The following SRC variants were observed in gnomAD, a reference collection of about 807,000 sequenced individuals.
SRC encodes SRC proto-oncogene, non-receptor tyrosine kinase.
Under a neutral mutation model 62.9 loss-of-function variants are expected in SRC, and 13 were observed. The observed-to-expected ratio is 0.21, with a 90% CI of 0.13 to 0.33. SRC has a LOEUF of 0.33. Ranked by LOEUF, SRC falls within the 10% of genes least tolerant of loss-of-function variation. SRC has a pLI of 1.00. For missense variants in SRC, 457 were observed against 737.3 expected, an observed-to-expected ratio of 0.62 and a Z score of 4.40; for synonymous variants, 302 against 317.5, an observed-to-expected ratio of 0.95 and a Z score of 0.52.
intron 2 of SRC, among the ~76,000 whole-genome samples, chr20:37,373,296 T>C (rs1306032323): frequency 1.3e-5 from 2 of 151,460 alleles, no homozygotes; most frequent in East Asian, 3.9e-4. Flanking sequence ...ATTACATATG[T>C]ACACATGCAC....
chr20:37,394,043 G>T, intron 6 of SRC, 50 bp downstream of exon 6: 1 of 1,581,852 alleles, frequency 6.3e-7, no homozygotes, highest in South Asian at 1.1e-5. Context: ...GACACTGCCG[G>T]TGCAGAGTGC....
intron 2 of SRC, among the ~76,000 whole-genome samples, chr20:37,378,115 T>C (rs1372512486): frequency 6.6e-6 from 1 of 150,946 alleles, no homozygotes; most frequent in Non-Finnish European, 1.5e-5. Context: ...ACTGTGTTGC[T>C]CAGGCAGAGT....
At chr20:37,361,897 A>G (rs1010073898) in intron 1 of SRC, among the ~76,000 whole-genome samples, 15 of 143,188 alleles carry the variant, frequency 1.0e-4, no homozygotes, top group African/African-American at 3.6e-4. Flanking sequence ...CTCTGTGTGC[A>G]GGTAGAGATG....
intron 2 of SRC, among the ~76,000 whole-genome samples, chr20:37,368,456 C>G (rs1179082336): frequency 6.9e-6 from 1 of 144,722 alleles, no homozygotes; most frequent in Non-Finnish European, 1.5e-5. Context: ...CACAAATAAA[C>G]CAACCAAACA....
intron 2 of SRC, among the ~76,000 whole-genome samples, chr20:37,380,032 T>C (rs1222006149): frequency 2.2e-5 from 3 of 135,684 alleles, no homozygotes; most frequent in African/African-American, 8.1e-5. Context: ...CTGAACACAC[T>C]AACACATAAA....
At chr20:37,364,042 C>T (rs2070023311) in intron 1 of SRC, among the ~76,000 whole-genome samples, 2 of 152,264 alleles carry the variant, frequency 1.3e-5, no homozygotes, top group Middle Eastern at 6.8e-3. Flanking sequence ...CCCACCACTG[C>T]TCTTCCCTGC....
intron 2 of SRC, among the ~76,000 whole-genome samples, chr20:37,373,229 C>T (rs150157238): frequency 1.7e-4 from 25 of 146,446 alleles, no homozygotes; most frequent in African/African-American, 5.9e-4. Flanking sequence ...CATACGTACA[C>T]ACATGCACAT....
chr20:37,350,051 C>T (rs1266404793), intron 1 of SRC, among the ~76,000 whole-genome samples: 1 of 152,232 alleles, frequency 6.6e-6, no homozygotes, highest in East Asian at 1.9e-4. Context: ...CTTCCCTGCT[C>T]TGGGCCTTTT....
intron 2 of SRC, among the ~76,000 whole-genome samples, chr20:37,368,310 C>T (rs1385869861): frequency 6.6e-6 from 1 of 151,818 alleles, no homozygotes; most frequent in Admixed American, 6.6e-5. Context: ...CCCAGCTACT[C>T]AGGAGGATGA....
chr20:37,354,652 C>T (rs1299173759), intron 1 of SRC, among the ~76,000 whole-genome samples: 1 of 152,190 alleles, frequency 6.6e-6, no homozygotes, highest in Non-Finnish European at 1.5e-5. Flanking sequence ...CAGGGCTGTG[C>T]CTTGTGGACT....
intron 5 of SRC, among the ~76,000 whole-genome samples, chr20:37,389,369 TC>T (rs771136614): frequency 6.6e-6 from 1 of 152,144 alleles, no homozygotes; most frequent in Non-Finnish European, 1.5e-5. Flanking sequence ...CAACAGCGCC[TC>T]AGCTGGCCTC....
rs776199744 is a variant in SRC at position 37,394,019 on chromosome 20, A to G, written c.449+26A>G. On this transcript the variant is annotated intron_variant, in intron 6 of 13. Transcript: ENST00000373578. ...GTGAGTACCGTCTCTGGCTGCCTCTACCCGTCGTCCCTGGACACTGCCGGT... is the reference window on the plus strand; with the variant it reads ...GTGAGTACCGTCTCTGGCTGCCTCTGCCCGTCGTCCCTGGACACTGCCGGT... 1.0e-5 allele frequency: 16 copies of G among 1,607,420 alleles called. No individual in the cohort carries two copies. In the Admixed American group the frequency reaches 1.2e-4, roughly 12 times the overall value.
chr20:37,403,124 A>C lies in SRC; in HGVS notation c.1403-47A>C. The C allele has an allele frequency of 6.7e-7, 1 of 1,486,158 alleles. No homozygotes were observed. The highest frequency in any genetic ancestry group is 9.0e-7 in the Non-Finnish European group (1 of 1,116,322). 92.1% of individuals were successfully genotyped at this position (1,486,158 alleles called of 1,614,324 possible). A position where few individuals can be genotyped will look rare whatever the true frequency, so the allele number is the denominator to read the frequency against. ...CCTCCCCATCAGCTTCCCCCACCCC[A>C]CTTTCCTCACCGGAGCCGGGCTCCC... is the stretch of plus-strand genomic sequence containing the variant. On this transcript the variant is annotated intron_variant, in intron 13 of 13. Transcript: ENST00000373578. The surrounding 1 kb of genome is among the most constrained non-coding windows in gnomAD (Gnocchi z 7.1).
At position 37,398,924 on chromosome 20, in the gene SRC, C is replaced by T. The variant is rs562628370; in HGVS notation, c.859+1070C>T. On this transcript the variant is annotated intron_variant, in intron 9 of 13. Coordinates refer to ENST00000373578, the MANE Select transcript of SRC (RefSeq NM_198291.3). The surrounding 1 kb of genome is among the most constrained non-coding windows in gnomAD (Gnocchi z 5.2). ...AGAGATTGGCCTGAGCCCCAACCCT[C>T]GGACGGAGGCCCAGCGACTGGGAGG... Among the ~76,000 whole-genome samples the T allele has an allele frequency of 5.1e-4, 78 of 152,288 alleles. No individual in the cohort carries two copies. Among genetic ancestry groups the T allele is most frequent in the African/African-American group, 1.8e-3 (75 of 41,564 alleles).
intron 1 of SRC, among the ~76,000 whole-genome samples, chr20:37,357,951 G>T (rs2069907994): frequency 6.6e-6 from 1 of 152,202 alleles, no homozygotes; most frequent in African/African-American, 2.4e-5. Flanking sequence ...GGAGTAGAGC[G>T]AGGGGAGGGA....
At chr20:37,386,658 C>G (rs1257460208) in intron 5 of SRC, among the ~76,000 whole-genome samples, 1 of 152,204 alleles carries the variant, frequency 6.6e-6, no homozygotes, top group East Asian at 1.9e-4. Context: ...TTAACGCAGG[C>G]TGCGATCAGG....
At chr20:37,364,938 G>A (rs927883482) in intron 1 of SRC, among the ~76,000 whole-genome samples, 1 of 152,078 alleles carries the variant, frequency 6.6e-6, no homozygotes, top group South Asian at 2.1e-4. Flanking sequence ...GAAGCCCTTC[G>A]CAAATGCTGC....
intron 1 of SRC, among the ~76,000 whole-genome samples, chr20:37,358,467 C>T (rs1449412668): frequency 1.3e-5 from 2 of 152,218 alleles, no homozygotes; most frequent in Admixed American, 1.3e-4. Flanking sequence ...CAAGTCTCCC[C>T]AGCACCTTGG....
chr20:37,385,884 G>C (rs936274547), intron 4 of SRC, among the ~76,000 whole-genome samples, 191 bp from the exon 5 acceptor site: 8 of 152,272 alleles, frequency 5.3e-5, no homozygotes, highest in Non-Finnish European at 1.2e-4. Context: ...ACACGCCCTT[G>C]CAGGGATGCG....
Sources: gnomAD v4.1 joint callset for allele counts (sites outside exome capture counted in the v4.1 genomes callset) on GRCh38, gnomAD v4.1.1 for gene constraint, Gnocchi (gnomAD v3.1) non-coding constraint, MANE v1.5 for transcripts, NCBI Gene and HGNC (gene_info 2026-07-23, HGNC 2026-07-21) for gene names.